The following AGBL4 variants were observed in gnomAD, a reference collection of about 807,000 sequenced individuals.
AGBL4 encodes the protein AGBL carboxypeptidase 4, also known as cytosolic carboxypeptidase 6.
In AGBL4, 58 loss-of-function variants were observed where a neutral mutation model predicts 66.4. That is an observed-to-expected ratio of 0.87 (90% confidence interval 0.71 to 1.09). The LOEUF (loss-of-function observed/expected upper bound fraction) is 1.09, where lower values mean the gene tolerates loss of function less well. Among genes scored for constraint, AGBL4 ranks in the 50% least tolerant of loss-of-function variants. The pLI, the probability that AGBL4 is intolerant of heterozygous loss-of-function variation, is 0.00. For missense variants in AGBL4, 579 were observed against 631.0 expected (o/e 0.92, Z 0.88); for synonymous variants, 234 against 222.9 (o/e 1.05, Z -0.44).
At chr1:49,145,762 C>T (rs1429890240) in intron 4 of AGBL4, among the ~76,000 whole-genome samples, 3 of 152,158 alleles carry the variant, frequency 2.0e-5, no homozygotes, top group Middle Eastern at 3.4e-3. Flanking sequence ...GGGTATATAC[C>T]CAAAACAAAG....
chr1:49,933,321 C>T (rs1653559712), intron 1 of AGBL4, among the ~76,000 whole-genome samples: 1 of 152,028 alleles, frequency 6.6e-6, no homozygotes, highest in Admixed American at 6.6e-5. Flanking sequence ...CATAACTGTC[C>T]TTCAAAAATG....
chr1:48,696,424 G>A (rs1255612985), intron 6 of AGBL4, among the ~76,000 whole-genome samples: 1 of 152,184 alleles, frequency 6.6e-6, no homozygotes, highest in Non-Finnish European at 1.5e-5. Flanking sequence ...TTAAAACTAG[G>A]AGCTTTCTTA....
At chr1:49,125,943 T>C (rs1458878572) in intron 4 of AGBL4, among the ~76,000 whole-genome samples, 1 of 152,190 alleles carries the variant, frequency 6.6e-6, no homozygotes, top group Non-Finnish European at 1.5e-5. Context: ...GCCCTTATTC[T>C]TAGGCATGAA....
At chr1:49,773,325 T>C (rs1373949909) in intron 2 of AGBL4, among the ~76,000 whole-genome samples, 1 of 152,228 alleles carries the variant, frequency 6.6e-6, no homozygotes, top group Non-Finnish European at 1.5e-5. Context: ...TGGAAACTTA[T>C]TGTATTCCTT....
At chr1:49,743,184 A>G (rs1650681594) in intron 2 of AGBL4, among the ~76,000 whole-genome samples, 1 of 152,206 alleles carries the variant, frequency 6.6e-6, no homozygotes, top group African/African-American at 2.4e-5. Context: ...GGAATCTACA[A>G]TTAACTCAAA....
intron 4 of AGBL4, among the ~76,000 whole-genome samples, chr1:49,189,019 G>A (rs1243108383): frequency 2.0e-5 from 3 of 152,188 alleles, no homozygotes; most frequent in Non-Finnish European, 4.4e-5. Context: ...GATTCAGCAG[G>A]AAGAAGTACT....
At chr1:48,702,178 G>A (rs1033568505) in intron 6 of AGBL4, among the ~76,000 whole-genome samples, 2 of 152,264 alleles carry the variant, frequency 1.3e-5, no homozygotes, top group East Asian at 1.9e-4. Flanking sequence ...GGAGTCCACC[G>A]GTTTAGACGA....
intron 4 of AGBL4, among the ~76,000 whole-genome samples, chr1:49,218,125 T>C (rs1387992041): frequency 6.6e-6 from 1 of 152,138 alleles, no homozygotes; most frequent in Non-Finnish European, 1.5e-5. Flanking sequence ...ACCTATCTGA[T>C]AACAGATTGA....
intron 3 of AGBL4, among the ~76,000 whole-genome samples, chr1:49,382,138 A>C (rs1644630726): frequency 1.3e-5 from 2 of 152,152 alleles, no homozygotes; most frequent in African/African-American, 4.8e-5. Context: ...CTGAGAAGTA[A>C]ATTTCCATTT....
chr1:49,270,457 A>T (rs1219913711), intron 3 of AGBL4, among the ~76,000 whole-genome samples: 3 of 151,244 alleles, frequency 2.0e-5, no homozygotes, highest in East Asian at 1.9e-4. Context: ...TTTTTTTCTC[A>T]ACCTTTGTTG....
At chr1:49,001,671 A>C (rs1389338587) in intron 5 of AGBL4, among the ~76,000 whole-genome samples, 1 of 152,122 alleles carries the variant, frequency 6.6e-6, no homozygotes, top group South Asian at 2.1e-4. Flanking sequence ...TGCTTCCTAC[A>C]TGTCTAGCCA....
intron 1 of AGBL4, among the ~76,000 whole-genome samples, chr1:50,017,977 G>A (rs1291585227): frequency 6.6e-6 from 1 of 151,934 alleles, no homozygotes; most frequent in African/African-American, 2.4e-5. Context: ...CTTCCACAAA[G>A]CCAAGACACA....
chr1:49,006,451 G>A (rs1661825558), intron 5 of AGBL4, among the ~76,000 whole-genome samples: 2 of 152,214 alleles, frequency 1.3e-5, no homozygotes, highest in Admixed American at 6.5e-5. Flanking sequence ...GGCTGGGGGA[G>A]GGGCGCCCGC....
At chr1:49,731,943 AT>A in intron 2 of AGBL4, among the ~76,000 whole-genome samples, 1 of 152,346 alleles carries the variant, frequency 6.6e-6, no homozygotes, top group East Asian at 1.9e-4. Context: ...GGAAACTGAC[AT>A]TCTAGACTGG....
At chr1:48,972,157 C>T (rs1658959869) in intron 5 of AGBL4, among the ~76,000 whole-genome samples, 2 of 152,056 alleles carry the variant, frequency 1.3e-5, no homozygotes, top group South Asian at 2.1e-4. Flanking sequence ...CACTTCGTAC[C>T]GAGGTGCTTT....
At chr1:48,811,107 G>A (rs1374944308) in intron 6 of AGBL4, among the ~76,000 whole-genome samples, 4 of 149,446 alleles carry the variant, frequency 2.7e-5, no homozygotes, top group African/African-American at 4.9e-5. Flanking sequence ...TGGCTCTGTC[G>A]CCAACAGATG....
intron 2 of AGBL4, among the ~76,000 whole-genome samples, chr1:49,801,388 C>T (rs545351304): frequency 2.9e-4 from 44 of 152,136 alleles, no homozygotes; most frequent in Admixed American, 2.8e-3. Flanking sequence ...AACTTGACAA[C>T]GCTTTAAACA....
At chr1:49,703,525 T>C (rs146653786) in intron 2 of AGBL4, among the ~76,000 whole-genome samples, 57 of 141,694 alleles carry the variant, frequency 4.0e-4, no homozygotes, top group African/African-American at 1.4e-3. Flanking sequence ...CATTCATGAT[T>C]AAAAAAAAAA....
At chr1:49,814,602 G>A (rs534426581) in intron 2 of AGBL4, among the ~76,000 whole-genome samples, 1 of 152,100 alleles carries the variant, frequency 6.6e-6, no homozygotes. Flanking sequence ...AATATGTGCT[G>A]CATCTTCAAC....
Sources: gnomAD v4.1 joint callset for allele counts (sites outside exome capture counted in the v4.1 genomes callset) on GRCh38, gnomAD v4.1.1 for gene constraint, MANE v1.5 for transcripts, NCBI Gene and HGNC (gene_info 2026-07-23, HGNC 2026-07-21) for gene names.